Variants in SMARCAD1 observed in about 807,000 individuals in gnomAD.
SMARCAD1 encodes the protein SWI/SNF-related matrix-associated actin-dependent regulator of chromatin subfamily A containing DEAD/H box 1.
Under a neutral mutation model 127.1 loss-of-function variants are expected in SMARCAD1, and 25 were observed. The ratio of observed to expected loss-of-function variants is 0.20; its 90% CI spans 0.14 to 0.27. The LOEUF (loss-of-function observed/expected upper bound fraction) is 0.27. SMARCAD1 is among the 10% of genes least tolerant of loss of function. The probability of loss-of-function intolerance (pLI) is 1.00; values close to 1 mark genes in which losing one functional copy is unlikely to be tolerated. For missense variants in SMARCAD1, 807 were observed against 1,206.0 expected, an observed-to-expected ratio of 0.67 and a Z score of 4.90; for synonymous variants, 400 against 396.9, an observed-to-expected ratio of 1.01 and a Z score of -0.09.
chr4:94,232,826 A>G (rs1172770429), intron 3 of SMARCAD1, among the ~76,000 whole-genome samples: 1 of 104,776 alleles, frequency 9.5e-6, no homozygotes, highest in Non-Finnish European at 2.2e-5. Context: ...CTGTACAAAA[A>G]ACACAAAAAT....
At chr4:94,278,885 A>G in intron 18 of SMARCAD1, 44 bp from the exon 19 acceptor site, 1 of 1,611,576 alleles carries the variant, frequency 6.2e-7, no homozygotes, top group Non-Finnish European at 8.5e-7. Context: ...TTCAACAGTT[A>G]TCCGCTTGGT....
chr4:94,215,820 CTTTA>C lies in SMARCAD1; in HGVS notation c.190+7240_190+7243del, dbSNP rs1056388482. ...CAAAAGTATGTTATTGTTGCTTTTT[CTTTA>C]TTTTTTAGTTTAAGTATGTTTTCAT... On this transcript the variant is annotated intron_variant, in intron 2 of 23. Transcript: ENST00000354268. 3.3e-5 allele frequency among the ~76,000 whole-genome samples: 5 copies of C among 152,012 alleles called. No individual in the cohort carries two copies. In the South Asian group the frequency reaches 8.3e-4, roughly 25 times the overall value.
At chr4:94,232,644 C>T (rs1196069402) in intron 3 of SMARCAD1, among the ~76,000 whole-genome samples, 2 of 152,128 alleles carry the variant, frequency 1.3e-5, no homozygotes, top group Non-Finnish European at 2.9e-5. Context: ...AGGAAGTCAA[C>T]CTAGAAGCTT....
At chr4:94,286,195 G>C (rs1051532137) in intron 23 of SMARCAD1, among the ~76,000 whole-genome samples, 2 of 152,172 alleles carry the variant, frequency 1.3e-5, no homozygotes, top group East Asian at 1.9e-4. Flanking sequence ...GAATGGCCCT[G>C]AGAAATGAAG....
intron 3 of SMARCAD1, among the ~76,000 whole-genome samples, chr4:94,228,274 ACT>A (rs1745314552): frequency 6.6e-6 from 1 of 152,076 alleles, no homozygotes; most frequent in African/African-American, 2.4e-5. Context: ...TGCATTATCA[ACT>A]CTCACAGTCT....
intron 12 of SMARCAD1, 113 bp from the exon 13 acceptor site, chr4:94,274,625 C>T (rs1753009856): frequency 9.4e-7 from 1 of 1,068,548 alleles, no homozygotes; most frequent in African/African-American, 1.6e-5. Context: ...CCAGTATTTA[C>T]TTTTTATAAA....
At chr4:94,215,862 C>T (rs2125800303) in intron 2 of SMARCAD1, among the ~76,000 whole-genome samples, 1 of 152,062 alleles carries the variant, frequency 6.6e-6, no homozygotes, top group South Asian at 2.1e-4. Flanking sequence ...ATTTACTAGC[C>T]ATTTGGATTT....
chr4:94,261,168 T>A (rs933736074), intron 9 of SMARCAD1, among the ~76,000 whole-genome samples: 4 of 152,188 alleles, frequency 2.6e-5, no homozygotes, highest in Non-Finnish European at 5.9e-5. Flanking sequence ...CTGTAATTGC[T>A]TTATAAAGAT....
intron 6 of SMARCAD1, among the ~76,000 whole-genome samples, chr4:94,248,824 T>C (rs1748848886): frequency 6.6e-6 from 1 of 152,202 alleles, no homozygotes; most frequent in Non-Finnish European, 1.5e-5. Context: ...TAGTTATTTC[T>C]ATCTAAGGTA....
chr4:94,284,826 G>A, intron 22 of SMARCAD1, 134 bp from the exon 23 acceptor site: 1 of 628,918 alleles, frequency 1.6e-6, no homozygotes, highest in Non-Finnish European at 2.8e-6. Flanking sequence ...GTCTCAAGTG[G>A]CTTAAATAAA....
intron 3 of SMARCAD1, 50 bp from the exon 4 acceptor site, chr4:94,233,904 C>T (rs1018033647): frequency 1.3e-6 from 2 of 1,565,830 alleles, no homozygotes; most frequent in Non-Finnish European, 1.8e-6. Context: ...AATGAAATAA[C>T]ATTAGTAATA....
intron 23 of SMARCAD1, among the ~76,000 whole-genome samples, chr4:94,286,393 GTTC>G (rs2126015364): frequency 6.6e-6 from 1 of 152,254 alleles, no homozygotes; most frequent in East Asian, 1.9e-4. Context: ...CATCTTACCT[GTTC>G]AAGCTGATTA....
intron 9 of SMARCAD1, among the ~76,000 whole-genome samples, chr4:94,259,626 C>T (rs577149327): frequency 6.6e-6 from 1 of 152,204 alleles, no homozygotes; most frequent in Non-Finnish European, 1.5e-5. Flanking sequence ...ACTGTTAAAG[C>T]GTCCTGAAGT....
chr4:94,250,638 C>T, intron 7 of SMARCAD1, 114 bp from the exon 8 acceptor site: 1 of 639,916 alleles, frequency 1.6e-6, no homozygotes, highest in Non-Finnish European at 2.7e-6. Flanking sequence ...GCAAAATAAT[C>T]AGATGTGAAT....
chr4:94,214,297 C>G (rs1742788611), intron 2 of SMARCAD1, among the ~76,000 whole-genome samples: 1 of 144,758 alleles, frequency 6.9e-6, no homozygotes, highest in Non-Finnish European at 1.5e-5. Context: ...CAGTTTCACT[C>G]TGTCACCCAG....
chr4:94,216,834 T>C (rs188694832), intron 2 of SMARCAD1, among the ~76,000 whole-genome samples: 1 of 152,354 alleles, frequency 6.6e-6, no homozygotes, highest in East Asian at 1.9e-4. Context: ...CATCCATCAA[T>C]GGGCACTTGG....
intron 9 of SMARCAD1, among the ~76,000 whole-genome samples, chr4:94,262,329 C>G (rs969362687): frequency 6.6e-5 from 10 of 152,158 alleles, no homozygotes; most frequent in African/African-American, 2.2e-4. Context: ...AGCCAGAAGT[C>G]TGGGAGTCAG....
At chr4:94,273,470 A>G (rs1462369903) in intron 11 of SMARCAD1, 147 bp from the exon 12 acceptor site, 4 of 645,560 alleles carry the variant, frequency 6.2e-6, no homozygotes, top group African/African-American at 1.8e-5. Flanking sequence ...TTTGAGAACT[A>G]AGAACATAGT....
At chr4:94,235,258 T>TA (rs1746465792) in intron 4 of SMARCAD1, among the ~76,000 whole-genome samples, 1 of 95,690 alleles carries the variant, frequency 1.0e-5, no homozygotes, top group Non-Finnish European at 2.2e-5. Flanking sequence ...TTTTTTTTTT[T>TA]AGCTTATTGT....
Sources: allele counts gnomAD v4.1 joint callset (sites outside exome capture counted in the v4.1 genomes callset), GRCh38; gene constraint gnomAD v4.1.1; transcripts MANE v1.5; gene names NCBI Gene and HGNC (gene_info 2026-07-23, HGNC 2026-07-21).